The following SLC29A1 variants were observed in gnomAD, a reference collection of about 807,000 sequenced individuals.
SLC29A1 encodes equilibrative nucleoside transporter 1.
SLC29A1 carries 22 observed loss-of-function variants against 48.3 expected under a neutral mutation model. That is an observed-to-expected ratio of 0.46 (90% CI 0.33 to 0.65). The LOEUF (loss-of-function observed/expected upper bound fraction) is 0.65, where lower values mean the gene tolerates loss of function less well. Among genes scored for constraint, SLC29A1 ranks in the 30% least tolerant of loss-of-function variants. The pLI is 0.03. For missense variants in SLC29A1, 491 were observed against 575.3 expected, an observed-to-expected ratio of 0.85 and a Z score of 1.50; for synonymous variants, 228 against 231.0, an observed-to-expected ratio of 0.99 and a Z score of 0.12.
At chr6:44,220,916 G>A (rs1289291196), upstream of SLC29A1, among the ~76,000 whole-genome samples, 1 of 152,158 alleles carries the variant, frequency 6.6e-6, no homozygotes, top group Non-Finnish European at 1.5e-5. Context: ...GTCTTGCTCT[G>A]TTGCCCAGGC....
intron 9 of SLC29A1, 43 bp from the exon 10 acceptor site, chr6:44,231,955 A>G: frequency 1.4e-6 from 2 of 1,415,224 alleles, no homozygotes; most frequent in Non-Finnish European, 2.0e-6. Flanking sequence ...CACAGCCACC[A>G]TGAAGACACA....
chr6:44,221,498 C>A, upstream of SLC29A1: 2 of 616,998 alleles, frequency 3.2e-6, no homozygotes, highest in Non-Finnish European at 2.6e-6. The surrounding 1 kb of genome is among the most constrained non-coding windows in gnomAD (Gnocchi z 4.2). Context: ...GGAGTCTGGG[C>A]CAAGCCACGG....
rs1453518647 is a variant in SLC29A1, at chr6:44,230,676, G to A, written c.687+11G>A. 6.3e-7 allele frequency: 1 copy of A among 1,596,412 alleles called. No individual in the cohort carries two copies. Among genetic ancestry groups the A allele is most frequent in the Non-Finnish European group, 8.6e-7 (1 of 1,164,154 alleles). ...GGCCTGCCCCGCCTGGTGAGTAAATGGAGGGAGCTGGGGTTTGGGGTATAG... is the reference window on the plus strand; with the variant it reads ...GGCCTGCCCCGCCTGGTGAGTAAATAGAGGGAGCTGGGGTTTGGGGTATAG... On this transcript the variant is annotated intron_variant, in intron 7 of 12. Transcript: ENST00000371755.
Position 44,229,798 on chromosome 6 carries a change from G to T in SLC29A1, c.314+7G>T. 1 of 1,612,304 alleles carries T rather than the reference G, an allele frequency of 6.2e-7. No homozygotes were observed. ...ACTCCTTCCTGCATCAGAGGTGAGT[G>T]CCCACCCCCTCCCCAGCCCCCAGCC... On this transcript the variant is annotated splice_region_variant and intron_variant, in intron 4 of 12. Transcript: ENST00000371755. The surrounding 1 kb of genome is among the most constrained non-coding windows in gnomAD (Gnocchi z 5.1).
intron 7 of SLC29A1, 24 bp from the exon 8 acceptor site, chr6:44,230,787 T>C (rs751308435): frequency 2.5e-6 from 4 of 1,603,720 alleles, no homozygotes; most frequent in Non-Finnish European, 3.4e-6. Context: ...TAAATCCACC[T>C]CCCCCGTCTC....
chr6:44,229,873 A>C lies in SLC29A1; in HGVS notation c.315-34A>C. On this transcript the variant is annotated intron_variant, in intron 4 of 12. Coordinates refer to ENST00000371755, the MANE Select transcript of SLC29A1 (RefSeq NM_001372327.1). The surrounding 1 kb of genome is among the most constrained non-coding windows in gnomAD (Gnocchi z 5.1). Reference sequence around the variant, plus strand: ...CCTTGGCTGAGCCCCAGCTTTGCCCACTTGTCTCTGCCACCCTTGGCCTCT... The same window carrying C: ...CCTTGGCTGAGCCCCAGCTTTGCCCCCTTGTCTCTGCCACCCTTGGCCTCT... 6.2e-7 allele frequency: 1 copy of C among 1,607,522 alleles called. No individual in the cohort carries two copies.
At chr6:44,220,642 G>A (rs1471433405), upstream of SLC29A1, among the ~76,000 whole-genome samples, 5 of 141,330 alleles carry the variant, frequency 3.5e-5, no homozygotes, top group African/African-American at 7.8e-5. Context: ...GTGAAACCCC[G>A]TCTCTACTAA....
At chr6:44,231,029 A>G in intron 8 of SLC29A1, 140 bp downstream of exon 8, 1 of 719,852 alleles carries the variant, frequency 1.4e-6, no homozygotes, top group African/African-American at 1.7e-5. Flanking sequence ...CAGCAGGGAG[A>G]GGGGGACAAT....
chr6:44,225,293 G>A (rs1033665423), intron 1 of SLC29A1, among the ~76,000 whole-genome samples: 6 of 152,066 alleles, frequency 3.9e-5, no homozygotes, highest in African/African-American at 1.4e-4. Flanking sequence ...GTCACCTGAG[G>A]TCGGGAGTTC....
At chr6:44,227,208 A>G in intron 1 of SLC29A1, 55 bp from the exon 2 acceptor site, 2 of 1,548,888 alleles carry the variant, frequency 1.3e-6, no homozygotes, top group South Asian at 1.2e-5. Context: ...TAAGAGCCTG[A>G]GGAGGCCTAT....
chr6:44,228,978 T>C (rs1778208868), intron 2 of SLC29A1, among the ~76,000 whole-genome samples: 1 of 152,160 alleles, frequency 6.6e-6, no homozygotes, highest in Non-Finnish European at 1.5e-5. Flanking sequence ...ACAGCATAAT[T>C]ACTTCCAGCC....
intron 5 of SLC29A1, 121 bp downstream of exon 5, chr6:44,230,167 G>A (rs1778510778): frequency 6.7e-7 from 1 of 1,492,460 alleles, no homozygotes; most frequent in African/African-American, 1.4e-5. Context: ...TGGATGCTGT[G>A]AGCAGCTGGG....
intron 5 of SLC29A1, 76 bp downstream of exon 5, chr6:44,230,122 A>G: frequency 6.3e-7 from 1 of 1,577,810 alleles, no homozygotes; most frequent in Non-Finnish European, 8.6e-7. Flanking sequence ...ACCCAGCGTT[A>G]GCCAGAGAGA....
chr6:44,229,862 C>T lies in SLC29A1; in HGVS notation c.315-45C>T. On this transcript the variant is annotated intron_variant, in intron 4 of 12. Coordinates refer to ENST00000371755, the MANE Select transcript of SLC29A1 (RefSeq NM_001372327.1). The surrounding 1 kb of genome is among the most constrained non-coding windows in gnomAD (Gnocchi z 5.1). ...GTCCTGCACCCCCTTGGCTGAGCCC[C>T]AGCTTTGCCCACTTGTCTCTGCCAC... 6.2e-7 allele frequency: 1 copy of T among 1,611,810 alleles called. No individual in the cohort carries two copies.
In SLC29A1 at chr6:44,232,918, G is replaced by C. The variant is rs45458701; in HGVS notation, c.1171G>C (p.Glu391Gln). Residue 391 changes from glutamate to glutamine, a missense_variant, in exon 12 of 13, where the codon GAG becomes CAG. Coordinates refer to ENST00000371755, the MANE Select transcript of SLC29A1 (RefSeq NM_001372327.1). The surrounding 1 kb of genome is among the most constrained non-coding windows in gnomAD (Gnocchi z 4.7). ...CCGCCGCTACCTGACTGTGGTCTTC[G>C]AGCACGATGCCTGGTTCATCTTCTT... Reference protein sequence around the residue: ...KPRRYLTVVFEHDAWFIFFMA... With the variant: ...KPRRYLTVVFQHDAWFIFFMA... 2 of 1,614,040 alleles carry C rather than the reference G, an allele frequency of 1.2e-6. No homozygotes were observed. The highest frequency in any genetic ancestry group is 2.2e-5 in the East Asian group (1 of 44,904).
rs1307716821 is a variant in SLC29A1, at chr6:44,229,243, G to A, written c.30-147G>A. ...CCCTTTTCTCCCCCCACACCCATAA[G>A]AGGACACATGCAAACGGACACAAAC... On this transcript the variant is annotated intron_variant, in intron 2 of 12. Coordinates refer to ENST00000371755, the MANE Select transcript of SLC29A1 (RefSeq NM_001372327.1). The surrounding 1 kb of genome is among the most constrained non-coding windows in gnomAD (Gnocchi z 5.1). The A allele has an allele frequency of 5.6e-6, 4 of 715,624 alleles. No individual in the cohort carries two copies. Among genetic ancestry groups the A allele is most frequent in the Non-Finnish European group, 1.0e-5 (4 of 393,146 alleles). 44.3% of individuals were successfully genotyped at this position (715,624 alleles called of 1,614,324 possible). A position where few individuals can be genotyped will look rare whatever the true frequency, so the allele number is the denominator to read the frequency against.
intron 2 of SLC29A1, among the ~76,000 whole-genome samples, chr6:44,228,030 G>T (rs1470086999): frequency 6.6e-6 from 1 of 152,202 alleles, no homozygotes; most frequent in Non-Finnish European, 1.5e-5. Flanking sequence ...GCCTGTGGGG[G>T]CTTTGAGCAT....
Position 44,229,815 on chromosome 6 carries a change from C to T in SLC29A1, c.314+24C>T, listed in dbSNP as rs1199945870. The T allele has an allele frequency of 1.2e-6, 2 of 1,608,776 alleles. No homozygotes were observed. Among genetic ancestry groups the T allele is most frequent in the African/African-American group, 1.3e-5 (1 of 74,786 alleles). On this transcript the variant is annotated intron_variant, in intron 4 of 12. Coordinates refer to ENST00000371755, the MANE Select transcript of SLC29A1 (RefSeq NM_001372327.1). This position sits in a 1 kb window ranked among gnomAD's most constrained non-coding sequence, Gnocchi z 5.1. ...AGGTGAGTGCCCACCCCCTCCCCAG[C>T]CCCCAGCCTGACCCTCACTGTGTCC... is the stretch of plus-strand genomic sequence containing the variant.
At position 44,232,933 on chromosome 6, in the gene SLC29A1, T is replaced by C; in HGVS notation, c.1186T>C (p.Phe396Leu). The C allele has an allele frequency of 4.3e-6, 7 of 1,614,146 alleles. No homozygotes were observed. The highest frequency in any genetic ancestry group is 5.9e-6 in the Non-Finnish European group (7 of 1,180,036). Residue 396 changes from phenylalanine (F) to leucine (L), a missense_variant, in exon 12 of 13, where the codon TTC (phenylalanine) becomes CTC (leucine). Coordinates refer to ENST00000371755, the MANE Select transcript of SLC29A1 (RefSeq NM_001372327.1). This position sits in a 1 kb window ranked among gnomAD's most constrained non-coding sequence, Gnocchi z 4.7. ...LTVVFEHDAW[F>L]IFFMAAFAFS... ...TGTGGTCTTCGAGCACGATGCCTGGTTCATCTTCTTCATGGCTGCCTTTGC... is the reference window on the plus strand; with the variant it reads ...TGTGGTCTTCGAGCACGATGCCTGGCTCATCTTCTTCATGGCTGCCTTTGC...
Sources: allele counts gnomAD v4.1 joint callset (sites outside exome capture counted in the v4.1 genomes callset), GRCh38; gene constraint gnomAD v4.1.1; non-coding constraint Gnocchi (gnomAD v3.1); transcripts MANE v1.5; gene names NCBI Gene and HGNC (gene_info 2026-07-23, HGNC 2026-07-21).